The following IPO11 variants were observed in gnomAD, a reference collection of about 807,000 sequenced individuals.
IPO11 encodes the protein importin 11.
Under a neutral mutation model 143.2 loss-of-function variants are expected in IPO11, and 66 were observed. The observed-to-expected ratio is 0.46, with a 90% CI of 0.38 to 0.57. The LOEUF is 0.57. Ranked by LOEUF, IPO11 falls within the 20% of genes least tolerant of loss-of-function variation. IPO11 has a pLI of 0.00. For missense variants in IPO11, 1,026 were observed against 1,141.0 expected, an observed-to-expected ratio of 0.90 and a Z score of 1.45; for synonymous variants, 385 against 377.8, an observed-to-expected ratio of 1.02 and a Z score of -0.22.
chr5:62,504,184 C>T (rs1023454170), intron 16 of IPO11, among the ~76,000 whole-genome samples: 1 of 152,134 alleles, frequency 6.6e-6, no homozygotes, highest in Non-Finnish European at 1.5e-5. Context: ...TTTAGCAAAT[C>T]TCAAAATATT....
At chr5:62,504,785 G>A in intron 17 of IPO11, 73 bp from the exon 18 acceptor site, 1 of 1,320,286 alleles carries the variant, frequency 7.6e-7, no homozygotes, top group South Asian at 1.4e-5. Context: ...ATTAATTTAT[G>A]TATACTTGTT....
In IPO11 at chr5:62,437,368, A is replaced by G; in HGVS notation, c.89A>G (p.Glu30Gly). 1 of 1,612,970 alleles carries G rather than the reference A, an allele frequency of 6.2e-7. No individual in the cohort carries two copies. The highest frequency in any genetic ancestry group is 8.5e-7 in the Non-Finnish European group (1 of 1,179,348). ...QDTAVLKPAE[E>G]QLKQWETQPG... ...ACTGCTGTGTTAAAACCAGCTGAGG[A>G]GCAGTTGAAGCAGTGGGAGACACAG... is the stretch of plus-strand genomic sequence containing the variant. Residue 30 changes from glutamate (E) to glycine (G), a missense_variant, in exon 2 of 30, where the codon GAG becomes GGG. Glu to Gly is a moderately conservative substitution (Grantham distance 98, BLOSUM62 -2). This residue lies in a region of IPO11 where 429 missense variants were observed against 456.3 expected (regional missense o/e 0.94). Transcript: ENST00000325324.
At chr5:62,487,534 G>A (rs1045488849) in intron 12 of IPO11, among the ~76,000 whole-genome samples, 7 of 151,852 alleles carry the variant, frequency 4.6e-5, no homozygotes, top group Non-Finnish European at 7.4e-5. Flanking sequence ...TTTTGAATGC[G>A]TAATGACAAA....
intron 22 of IPO11, among the ~76,000 whole-genome samples, chr5:62,535,113 A>G (rs943035808): frequency 2.0e-5 from 3 of 151,774 alleles, no homozygotes; most frequent in African/African-American, 7.2e-5. Context: ...TGGCAGAGGC[A>G]TGGAAAGCAG....
chr5:62,538,529 C>T (rs561960779), intron 24 of IPO11, among the ~76,000 whole-genome samples: 13 of 152,300 alleles, frequency 8.5e-5, no homozygotes, highest in African/African-American at 2.6e-4. Context: ...CCTCCCGCTT[C>T]GCTCAGCACT....
chr5:62,617,622 T>C (rs2112476068), intron 29 of IPO11, among the ~76,000 whole-genome samples: 1 of 152,266 alleles, frequency 6.6e-6, no homozygotes, highest in Admixed American at 6.5e-5. Context: ...TTCCCTATTA[T>C]TTAATTTAGT....
chr5:62,457,769 A>G (rs1745214686), intron 5 of IPO11, among the ~76,000 whole-genome samples: 1 of 152,164 alleles, frequency 6.6e-6, no homozygotes, highest in African/African-American at 2.4e-5. Flanking sequence ...GAAATTATGA[A>G]TGCTAAATTT....
chr5:62,526,316 A>C, intron 21 of IPO11, 59 bp downstream of exon 21: 6 of 1,204,130 alleles, frequency 5.0e-6, no homozygotes, highest in Non-Finnish European at 7.4e-6. Context: ...TCCTACTCTC[A>C]TGCCAGTAAA....
intron 20 of IPO11, among the ~76,000 whole-genome samples, chr5:62,516,776 A>C (rs1268074166): frequency 3.3e-5 from 5 of 152,146 alleles, no homozygotes; most frequent in Non-Finnish European, 7.3e-5. Flanking sequence ...TAGTGTATGA[A>C]TATATTAAAT....
In IPO11 at chr5:62,515,501, G is replaced by C. The variant is rs149461491; in HGVS notation, c.1896G>C (p.Gln632His). The C allele has an allele frequency of 5.7e-6, 9 of 1,578,862 alleles. No individual in the cohort carries two copies. The African/African-American group carries it at 1.1e-4, about 19-fold the overall frequency. The stretch of plus-strand genomic sequence containing the variant: ...TGACAACACTTATTCATCTTGTTCA[G>C]GTAAGTCACTTCTCCACAGAGTTTT... ...AILTTLIHLV[Q>H]GLGADSKNLY... The change falls in exon 20 of 30, where the codon CAG becomes CAC. Residue 632 changes from glutamine (Q) to histidine (H), a missense_variant and splice_region_variant. Around this residue, in one of 5 missense-constraint regions of IPO11, gnomAD observed 237 missense variants for 288.0 expected, o/e 0.82. Coordinates refer to ENST00000325324, the MANE Select transcript of IPO11 (RefSeq NM_016338.5).
At chr5:62,489,394 G>A in intron 14 of IPO11, 45 bp downstream of exon 14, 1 of 1,332,408 alleles carries the variant, frequency 7.5e-7, no homozygotes, top group Non-Finnish European at 1.0e-6. Flanking sequence ...TTATTCAGTA[G>A]ATGGAGAGTC....
chr5:62,438,786 G>A lies in IPO11; in HGVS notation c.138+1369G>A, dbSNP rs147968264. Among the ~76,000 whole-genome samples the A allele has an allele frequency of 4.0e-3, 604 of 151,964 alleles. 9 individuals are homozygous for A. Among genetic ancestry groups the A allele is most frequent in the African/African-American group, 0.014 (585 of 41,480 alleles). On this transcript the variant is annotated intron_variant, in intron 2 of 29. Coordinates refer to ENST00000325324, the MANE Select transcript of IPO11 (RefSeq NM_016338.5). ...AAGGGGGGGAGCAGCGGGGCCAGGT[G>A]TGGTGGCTTATGCCTGTCATCCCAG...
intron 27 of IPO11, among the ~76,000 whole-genome samples, chr5:62,590,299 C>T (rs528103119): frequency 1.3e-5 from 2 of 152,254 alleles, no homozygotes; most frequent in South Asian, 4.1e-4. Flanking sequence ...GGGCTTGTTT[C>T]TTCCTTTGGC....
intron 27 of IPO11, among the ~76,000 whole-genome samples, chr5:62,564,042 A>C (rs1743855353): frequency 6.6e-6 from 1 of 152,190 alleles, no homozygotes; most frequent in Non-Finnish European, 1.5e-5. Flanking sequence ...GGCATTAGCA[A>C]AGTCATGTCA....
At chr5:62,492,415 T>C (rs1561333243) in intron 15 of IPO11, among the ~76,000 whole-genome samples, 1 of 152,258 alleles carries the variant, frequency 6.6e-6, no homozygotes, top group Admixed American at 6.5e-5. Flanking sequence ...ATTCCGTCTG[T>C]CTCTGCCCAT....
At chr5:62,476,361 T>C (rs1214149197) in intron 8 of IPO11, among the ~76,000 whole-genome samples, 1 of 152,194 alleles carries the variant, frequency 6.6e-6, no homozygotes, top group Non-Finnish European at 1.5e-5. Context: ...ACTACTTTAT[T>C]TTACACATGT....
intron 8 of IPO11, among the ~76,000 whole-genome samples, chr5:62,475,139 T>TA (rs1352806937): frequency 2.6e-5 from 4 of 152,066 alleles, no homozygotes; most frequent in African/African-American, 9.7e-5. Context: ...ACTCCTGGGC[T>TA]AAAGCGATCC....
At position 62,437,310 on chromosome 5, in the gene IPO11, C is replaced by T; in HGVS notation, c.31C>T (p.Leu11Phe). The T allele has an allele frequency of 6.2e-7, 1 of 1,610,986 alleles. No homozygotes were observed. Residue 11 changes from leucine (L) to phenylalanine (F), a missense_variant, in exon 2 of 30, where the codon CTT becomes TTT. Leu to Phe is a conservative substitution (Grantham distance 22). This residue lies in a region of IPO11 where 429 missense variants were observed against 456.3 expected (regional missense o/e 0.94). Transcript: ENST00000325324. MDLNSASTVV[L>F]QVLTQATSQD... is the part of the protein sequence containing the mutation. ...TCTCAATAGTGCCAGCACTGTTGTT[C>T]TTCAGGTGTTAACACAGGCCACCAG...
intron 2 of IPO11, among the ~76,000 whole-genome samples, chr5:62,439,051 T>A (rs1580178325): frequency 7.3e-6 from 1 of 136,174 alleles, no homozygotes; most frequent in Non-Finnish European, 1.6e-5. Flanking sequence ...AGAGTAAGAC[T>A]CCATCTCAAA....
Sources: gnomAD v4.1 joint callset for allele counts (sites outside exome capture counted in the v4.1 genomes callset) on GRCh38, gnomAD v4.1.1 for gene constraint, gnomAD v4.1.1 regional missense constraint, MANE v1.5 for transcripts, NCBI Gene and HGNC (gene_info 2026-07-23, HGNC 2026-07-21) for gene names.